The following CDK14 variants were observed in gnomAD, a reference collection of about 807,000 sequenced individuals.
CDK14 encodes the protein cyclin dependent kinase 14.
A neutral mutation model predicts 60.7 loss-of-function variants in CDK14; 34 were observed. That is an observed-to-expected ratio of 0.56 (90% CI 0.43 to 0.75). The LOEUF is 0.75. Ranked by LOEUF, CDK14 falls within the 30% of genes least tolerant of loss-of-function variation. CDK14 has a pLI of 0.00. For missense variants in CDK14, 482 were observed against 564.1 expected (o/e 0.85, Z 1.47); for synonymous variants, 197 against 203.7 (o/e 0.97, Z 0.28).
At chr7:90,714,425 C>T (rs1415039298) in intron 2 of CDK14, among the ~76,000 whole-genome samples, 1 of 152,036 alleles carries the variant, frequency 6.6e-6, no homozygotes, top group African/African-American at 2.4e-5. Context: ...TTGGTATTGA[C>T]TTTTCTCAGC....
At position 91,161,870 on chromosome 7, in the gene CDK14, C is replaced by T. The variant is rs78720566; in HGVS notation, c.*28+43662C>T. Among the ~76,000 whole-genome samples, 1,005 of 152,302 alleles carry T rather than the reference C, an allele frequency of 6.6e-3. 5 individuals are homozygous for T. The highest frequency in any genetic ancestry group is 0.023 in the African/African-American group (938 of 41,572). ...AAAATATTAGTCTTAGACTTCCCCT[C>T]ATTTGTGAATCAATAATTTCTAATA... is the stretch of plus-strand genomic sequence containing the variant. On this transcript the variant is annotated intron_variant, in intron 14 of 14. Transcript: ENST00000380050.
At chr7:90,773,400 G>C (rs527952038) in intron 4 of CDK14, among the ~76,000 whole-genome samples, 1 of 152,304 alleles carries the variant, frequency 6.6e-6, no homozygotes, top group African/African-American at 2.4e-5. Context: ...GACAGTGGTA[G>C]TATCTATCAC....
chr7:90,621,399 G>A (rs543962695), intron 2 of CDK14, among the ~76,000 whole-genome samples: 1 of 152,272 alleles, frequency 6.6e-6, no homozygotes, highest in East Asian at 1.9e-4. Context: ...TGTTGTTTGA[G>A]CAGATGTTCA....
Position 91,098,503 on chromosome 7 carries a change from AAAAGAAAGAAAAAG to A in CDK14, c.1155-14029_1155-14016del, listed in dbSNP as rs1439257311. ...CATGTACCCTAGAACTTAAAATAAA[AAAAGAAAGAAAAAG>A]AAAGAAAGAGAAAAAAAAAAAGAAA... On this transcript the variant is annotated intron_variant, in intron 12 of 14. Transcript: ENST00000380050. Among the ~76,000 whole-genome samples, 317 of 150,736 alleles carry A rather than the reference AAAAGAAAGAAAAAG, an allele frequency of 2.1e-3. 1 individual carries two copies. Among genetic ancestry groups the A allele is most frequent in the African/African-American group, 7.6e-3 (313 of 41,308 alleles).
chr7:90,721,978 T>C (rs1802471661), intron 2 of CDK14, among the ~76,000 whole-genome samples: 1 of 151,632 alleles, frequency 6.6e-6, no homozygotes, highest in Non-Finnish European at 1.5e-5. Context: ...CGCAGGGGAG[T>C]AGCGCCAGTG....
chr7:90,812,209 A>T (rs1382502997), intron 5 of CDK14, among the ~76,000 whole-genome samples: 2 of 152,244 alleles, frequency 1.3e-5, no homozygotes, highest in Non-Finnish European at 2.9e-5. Context: ...AAAGACTTGG[A>T]ACCAACCCAA....
chr7:90,623,397 T>C (rs1390847472), intron 2 of CDK14, among the ~76,000 whole-genome samples: 1 of 152,180 alleles, frequency 6.6e-6, no homozygotes, highest in Non-Finnish European at 1.5e-5. Context: ...TTGCTTTCTT[T>C]AAAGGGCTTT....
intron 4 of CDK14, among the ~76,000 whole-genome samples, chr7:90,757,703 C>G (rs1044733754): frequency 6.6e-6 from 1 of 151,922 alleles, no homozygotes; most frequent in East Asian, 1.9e-4. Flanking sequence ...GAGGCTTAAC[C>G]GATTCTCATG....
intron 10 of CDK14, among the ~76,000 whole-genome samples, chr7:91,033,161 G>C (rs1278765455): frequency 6.6e-6 from 1 of 152,142 alleles, no homozygotes; most frequent in Admixed American, 6.5e-5. Flanking sequence ...TGTCCTGCCA[G>C]CTTCCAGAAA....
chr7:90,797,908 A>G (rs1700080347), intron 5 of CDK14, among the ~76,000 whole-genome samples: 1 of 151,914 alleles, frequency 6.6e-6, no homozygotes, highest in African/African-American at 2.4e-5. Context: ...CACCTCCAAT[A>G]ATGGGGATTA....
At chr7:91,042,060 C>G (rs944071448) in intron 10 of CDK14, among the ~76,000 whole-genome samples, 2 of 152,154 alleles carry the variant, frequency 1.3e-5, no homozygotes, top group African/African-American at 4.8e-5. Flanking sequence ...TAGCATGTAA[C>G]TTGGACCAGA....
At chr7:90,841,861 C>T (rs1056300180) in intron 5 of CDK14, among the ~76,000 whole-genome samples, 2 of 152,046 alleles carry the variant, frequency 1.3e-5, no homozygotes, top group Non-Finnish European at 2.9e-5. Flanking sequence ...GTAGGTGTTT[C>T]GCATGTCCTC....
At chr7:90,959,238 A>G (rs752908727) in intron 9 of CDK14, among the ~76,000 whole-genome samples, 4 of 152,138 alleles carry the variant, frequency 2.6e-5, no homozygotes, top group Non-Finnish European at 5.9e-5. Flanking sequence ...CCAAATAGCA[A>G]ATGTGTTATG....
chr7:90,753,167 T>C (rs989143219), intron 4 of CDK14, among the ~76,000 whole-genome samples: 1 of 151,996 alleles, frequency 6.6e-6, no homozygotes, highest in Non-Finnish European at 1.5e-5. Flanking sequence ...CATCCTGATA[T>C]GAACAACTAG....
intron 2 of CDK14, among the ~76,000 whole-genome samples, chr7:90,665,323 T>A (rs1800953688): frequency 6.6e-6 from 1 of 151,962 alleles, no homozygotes; most frequent in African/African-American, 2.4e-5. Flanking sequence ...ACATAAAAAA[T>A]AAAAAGCACT....
intron 2 of CDK14, among the ~76,000 whole-genome samples, chr7:90,622,213 A>T (rs1466340108): frequency 6.6e-6 from 1 of 152,204 alleles, no homozygotes; most frequent in Non-Finnish European, 1.5e-5. Flanking sequence ...TTTCTTAGCT[A>T]ATTAAAAAGT....
At chr7:91,069,242 T>G (rs1260520186) in intron 11 of CDK14, among the ~76,000 whole-genome samples, 1 of 152,178 alleles carries the variant, frequency 6.6e-6, no homozygotes, top group Non-Finnish European at 1.5e-5. Flanking sequence ...AACTTATAAT[T>G]AAAAGCAGAC....
Position 90,751,874 on chromosome 7 carries a change from A to C in CDK14, c.464+4099A>C, listed in dbSNP as rs907700850. On this transcript the variant is annotated intron_variant, in intron 4 of 14. Coordinates refer to ENST00000380050, the MANE Select transcript of CDK14 (RefSeq NM_001287135.2). The stretch of plus-strand genomic sequence containing the variant: ...TGGAAAACAAACAAGAGCAGGGGTC[A>C]CTATTTTTATATCAGATAAAACAGA... Among the ~76,000 whole-genome samples, 24 of 152,350 alleles carry C rather than the reference A, an allele frequency of 1.6e-4. 1 individual carries two copies. The highest frequency in any genetic ancestry group is 5.8e-4 in the African/African-American group (24 of 41,588).
chr7:90,868,163 T>G (rs980863755), intron 6 of CDK14, among the ~76,000 whole-genome samples: 1 of 151,788 alleles, frequency 6.6e-6, no homozygotes, highest in Non-Finnish European at 1.5e-5. Context: ...ATATATGCAT[T>G]CACCCATAAT....
Sources: gnomAD v4.1 joint callset for allele counts (sites outside exome capture counted in the v4.1 genomes callset) on GRCh38, gnomAD v4.1.1 for gene constraint, MANE v1.5 for transcripts, NCBI Gene and HGNC (gene_info 2026-07-23, HGNC 2026-07-21) for gene names.